The following PRKCA variants were observed in gnomAD, a reference collection of about 807,000 sequenced individuals.
PRKCA encodes the protein protein kinase C alpha type.
Under a neutral mutation model 87.0 loss-of-function variants are expected in PRKCA, and 27 were observed. That is an observed-to-expected ratio of 0.31 (90% CI 0.23 to 0.43). The LOEUF is 0.43. Ranked by LOEUF, PRKCA falls within the 20% of genes least tolerant of loss-of-function variation. The pLI, the probability that PRKCA is intolerant of heterozygous loss-of-function variation, is 1.00. For missense variants in PRKCA, 518 were observed against 852.3 expected (o/e 0.61, Z 4.88); for synonymous variants, 329 against 311.1 (o/e 1.06, Z -0.61).
At chr17:66,630,081 A>G (rs1221908152) in intron 3 of PRKCA, among the ~76,000 whole-genome samples, 1 of 152,162 alleles carries the variant, frequency 6.6e-6, no homozygotes, top group African/African-American at 2.4e-5. Context: ...TTAAAACGTG[A>G]GCTATTCCTC....
intron 3 of PRKCA, among the ~76,000 whole-genome samples, chr17:66,540,293 C>T (rs905538201): frequency 1.3e-5 from 2 of 152,226 alleles, no homozygotes; most frequent in African/African-American, 2.4e-5. Flanking sequence ...GGGTAACATT[C>T]AGCACAGAGC....
intron 3 of PRKCA, among the ~76,000 whole-genome samples, chr17:66,505,746 T>C (rs1037336724): frequency 6.6e-6 from 1 of 152,222 alleles, no homozygotes; most frequent in Non-Finnish European, 1.5e-5. Flanking sequence ...ACTTATAAAA[T>C]GCCTCTGACA....
Position 66,645,390 on chromosome 17 carries a change from T to C in PRKCA, c.408T>C (p.Asp136=), listed in dbSNP as rs769965563. Residue 136 remains aspartate (D), a synonymous_variant, in exon 5 of 17, where the codon GAT becomes GAC. Transcript: ENST00000413366. ...IHQGMKCDTC[D]MNVHKQCVIN... ...TCCTTTCTTGATTCACAGCCTGCGA[T>C]ATGAACGTTCACAAGCAATGCGTCA... 20 of 1,614,112 alleles carry C rather than the reference T, an allele frequency of 1.2e-5. No homozygotes were observed. Among genetic ancestry groups the C allele is most frequent in the Non-Finnish European group, 1.6e-5 (19 of 1,180,048 alleles).
At position 66,312,927 on chromosome 17, in the gene PRKCA, C is replaced by T. The variant is rs551140274; in HGVS notation, c.205+6800C>T. The stretch of plus-strand genomic sequence containing the variant: ...CTGATTTTTGTATTTTTAGTAGAGA[C>T]GGGGTGTCGCCATGTTGGTCAGGCT... On this transcript the variant is annotated intron_variant, in intron 2 of 16. Transcript: ENST00000413366. Among the ~76,000 whole-genome samples the T allele has an allele frequency of 1.2e-4, 18 of 151,942 alleles. 1 individual carries two copies. The highest frequency in any genetic ancestry group is 1.0e-3 in the South Asian group (5 of 4,794).
chr17:66,491,538 G>A (rs573840503), intron 2 of PRKCA, among the ~76,000 whole-genome samples: 57 of 152,056 alleles, frequency 3.7e-4, no homozygotes, highest in Admixed American at 3.7e-3. Flanking sequence ...TATGTAACAG[G>A]TACCACCTTA....
chr17:66,305,972 A>T, intron 1 of PRKCA, 124 bp from the exon 2 acceptor site: 1 of 878,356 alleles, frequency 1.1e-6, no homozygotes. Context: ...GTTTTTTTCT[A>T]TTAAATCATT....
At chr17:66,734,439 TG>T (rs2144209085) in intron 9 of PRKCA, among the ~76,000 whole-genome samples, 1 of 152,330 alleles carries the variant, frequency 6.6e-6, no homozygotes, top group East Asian at 1.9e-4. Context: ...AGGTAACTTC[TG>T]GGCATTGCCA....
At chr17:66,739,548 T>C (rs1974109825) in intron 11 of PRKCA, among the ~76,000 whole-genome samples, 1 of 152,162 alleles carries the variant, frequency 6.6e-6, no homozygotes, top group Non-Finnish European at 1.5e-5. Context: ...CAATTAATAG[T>C]GCGTTGCTGT....
chr17:66,443,705 C>T (rs1913888818), intron 2 of PRKCA, among the ~76,000 whole-genome samples: 1 of 151,980 alleles, frequency 6.6e-6, no homozygotes, highest in South Asian at 2.1e-4. Flanking sequence ...ACATGTGTGG[C>T]CCATTTAATG....
intron 3 of PRKCA, among the ~76,000 whole-genome samples, chr17:66,611,140 T>G (rs2143639300): frequency 6.6e-6 from 1 of 152,298 alleles, no homozygotes; most frequent in South Asian, 2.1e-4. Context: ...CAAGTGAATA[T>G]TTCTTATTAT....
chr17:66,443,945 C>T (rs975746132), intron 2 of PRKCA, among the ~76,000 whole-genome samples: 1 of 152,146 alleles, frequency 6.6e-6, no homozygotes, highest in African/African-American at 2.4e-5. Context: ...CTAATGATGG[C>T]TTCGGACCTG....
intron 14 of PRKCA, among the ~76,000 whole-genome samples, chr17:66,781,238 A>G (rs1189230495): frequency 6.6e-6 from 1 of 151,990 alleles, no homozygotes; most frequent in East Asian, 1.9e-4. Flanking sequence ...TCTCATGTGT[A>G]TTTGTGGGGT....
At chr17:66,747,446 C>T (rs548680800) in intron 13 of PRKCA, among the ~76,000 whole-genome samples, 112 of 152,300 alleles carry the variant, frequency 7.4e-4, no homozygotes, top group African/African-American at 2.5e-3. Flanking sequence ...TACGTTAGAC[C>T]ACACACAAAG....
chr17:66,734,488 C>A (rs1346373939), intron 9 of PRKCA, among the ~76,000 whole-genome samples: 1 of 152,166 alleles, frequency 6.6e-6, no homozygotes, highest in Non-Finnish European at 1.5e-5. Context: ...GTGGGAGTGT[C>A]TTTTCACATG....
In PRKCA at chr17:66,560,157, G is replaced by A. The variant is rs146091380; in HGVS notation, c.288+63874G>A. ...GAGAGCTGATGGGGGTGTGCTTGGC[G>A]GAGAGAGGCATACCCCCAGAGGCTT... On this transcript the variant is annotated intron_variant, in intron 3 of 16. Transcript: ENST00000413366. 5.6e-4 allele frequency among the ~76,000 whole-genome samples: 85 copies of A among 152,222 alleles called. No homozygotes were observed. In the South Asian group the frequency reaches 6.7e-3, roughly 12 times the overall value.
chr17:66,400,761 C>A (rs1910975395), intron 2 of PRKCA, among the ~76,000 whole-genome samples: 1 of 152,250 alleles, frequency 6.6e-6, no homozygotes. Flanking sequence ...GTTCCAATTT[C>A]TCTGCATCAT....
intron 2 of PRKCA, among the ~76,000 whole-genome samples, chr17:66,413,771 T>A (rs1461311107): frequency 6.6e-6 from 1 of 152,150 alleles, no homozygotes; most frequent in Non-Finnish European, 1.5e-5. Context: ...CCCAGCATTT[T>A]GGGAGGCCAA....
intron 2 of PRKCA, among the ~76,000 whole-genome samples, chr17:66,444,933 A>G (rs953180570): frequency 6.6e-6 from 1 of 152,170 alleles, no homozygotes; most frequent in African/African-American, 2.4e-5. Flanking sequence ...TAATCAGAAC[A>G]CAACACACAA....
intron 14 of PRKCA, among the ~76,000 whole-genome samples, chr17:66,783,046 T>C (rs1232969496): frequency 3.9e-5 from 6 of 152,170 alleles, no homozygotes; most frequent in African/African-American, 1.4e-4. Context: ...TTGGGTAACA[T>C]AGACTCACAG....
Sources: allele counts gnomAD v4.1 joint callset (sites outside exome capture counted in the v4.1 genomes callset), GRCh38; gene constraint gnomAD v4.1.1; transcripts MANE v1.5; gene names NCBI Gene and HGNC (gene_info 2026-07-23, HGNC 2026-07-21).